The following SNTG1 variants were observed in gnomAD, a reference collection of about 807,000 sequenced individuals.
SNTG1 encodes syntrophin gamma 1.
In SNTG1, 39 loss-of-function variants were observed where a neutral mutation model predicts 74.7. That is an observed-to-expected ratio of 0.52 (90% CI 0.40 to 0.68). The LOEUF (loss-of-function observed/expected upper bound fraction) is 0.68, where lower values mean the gene tolerates loss of function less well. SNTG1 is among the 30% of genes least tolerant of loss of function. The probability of loss-of-function intolerance (pLI) is 0.00; values close to 1 mark genes in which losing one functional copy is unlikely to be tolerated. For synonymous variants in SNTG1, 254 were observed against 217.1 expected (o/e 1.17, Z -1.49); for missense variants, 685 against 609.5 (o/e 1.12, Z -1.30).
intron 1 of SNTG1, among the ~76,000 whole-genome samples, chr8:50,117,695 G>A (rs1037178787): frequency 6.6e-5 from 10 of 152,226 alleles, no homozygotes; most frequent in African/African-American, 1.9e-4. Flanking sequence ...GAGTAGCGAA[G>A]TCTCTCTCCT....
At chr8:50,298,544 G>T (rs6990514) in intron 2 of SNTG1, among the ~76,000 whole-genome samples, 3 of 152,146 alleles carry the variant, frequency 2.0e-5, no homozygotes, top group Non-Finnish European at 4.4e-5. Flanking sequence ...TGAAGGCAAG[G>T]GGCTGATGCA....
intron 1 of SNTG1, among the ~76,000 whole-genome samples, chr8:50,076,317 C>A (rs1253259845): frequency 2.0e-5 from 3 of 152,040 alleles, no homozygotes; most frequent in African/African-American, 7.2e-5. Flanking sequence ...AACCTGAATT[C>A]TTTTGTGAGT....
At chr8:50,509,484 T>G (rs2094044481) in intron 9 of SNTG1, among the ~76,000 whole-genome samples, 2 of 152,210 alleles carry the variant, frequency 1.3e-5, no homozygotes, top group African/African-American at 2.4e-5. Flanking sequence ...GGGATGGCAT[T>G]GAATCTATAA....
At chr8:50,739,275 A>G (rs1158196200) in intron 17 of SNTG1, among the ~76,000 whole-genome samples, 1 of 152,196 alleles carries the variant, frequency 6.6e-6, no homozygotes, top group Non-Finnish European at 1.5e-5. Flanking sequence ...ACACTCTCAA[A>G]AAAAGACATT....
At chr8:49,912,625 A>G (rs1301116680) in intron 1 of SNTG1, among the ~76,000 whole-genome samples, 1 of 152,202 alleles carries the variant, frequency 6.6e-6, no homozygotes, top group Admixed American at 6.5e-5. Flanking sequence ...AGAGGGTTTA[A>G]CCATGCCCTC....
chr8:50,023,006 A>G (rs903853787), intron 1 of SNTG1, among the ~76,000 whole-genome samples: 7 of 152,222 alleles, frequency 4.6e-5, no homozygotes, highest in Admixed American at 4.6e-4. Flanking sequence ...CAACTAAGTT[A>G]GTTAATGTTT....
chr8:50,022,372 A>G (rs1816903512), intron 1 of SNTG1, among the ~76,000 whole-genome samples: 2 of 150,934 alleles, frequency 1.3e-5, no homozygotes, highest in Admixed American at 6.6e-5. Context: ...AAGGCTTGAG[A>G]AGGCAGCTAG....
intron 12 of SNTG1, among the ~76,000 whole-genome samples, chr8:50,589,524 G>C (rs1042147669): frequency 2.0e-5 from 3 of 151,432 alleles, no homozygotes; most frequent in Admixed American, 6.6e-5. Flanking sequence ...TTTCTATCAT[G>C]AAGTGTTTAC....
At chr8:50,286,823 G>A (rs910337918) in intron 2 of SNTG1, 1 of 152,096 alleles carries the variant, frequency 6.6e-6, no homozygotes, top group African/African-American at 2.4e-5. Flanking sequence ...AATACAGAAG[G>A]CACCAGAATA....
chr8:50,530,146 C>G, intron 9 of SNTG1, 31 bp from the exon 10 acceptor site: 1 of 1,584,358 alleles, frequency 6.3e-7, no homozygotes, highest in Non-Finnish European at 8.7e-7. Flanking sequence ...GCATTCTCAC[C>G]AGTGGAATGT....
chr8:50,696,479 C>T (rs1194084010), intron 15 of SNTG1, among the ~76,000 whole-genome samples: 1 of 151,590 alleles, frequency 6.6e-6, no homozygotes, highest in Non-Finnish European at 1.5e-5. Flanking sequence ...TAATTAAGTC[C>T]TATGTTTGCT....
chr8:50,300,143 T>A (rs1379127780), intron 2 of SNTG1, among the ~76,000 whole-genome samples: 2 of 152,144 alleles, frequency 1.3e-5, no homozygotes, highest in Non-Finnish European at 2.9e-5. Flanking sequence ...TTTGCTCAGT[T>A]AGTAGCTAAC....
At chr8:50,571,079 CCCTTTTGT>C (rs1331477445) in intron 12 of SNTG1, among the ~76,000 whole-genome samples, 1 of 152,176 alleles carries the variant, frequency 6.6e-6, no homozygotes, top group African/African-American at 2.4e-5. Flanking sequence ...GCCTCCACCA[CCCTTTTGT>C]CCAATGAGCC....
chr8:50,207,346 A>G (rs1367093474), intron 2 of SNTG1, among the ~76,000 whole-genome samples: 1 of 152,008 alleles, frequency 6.6e-6, no homozygotes, highest in Non-Finnish European at 1.5e-5. Flanking sequence ...TTTGTAGTTT[A>G]TTTGCATAGA....
chr8:50,400,411 G>A (rs879681777), intron 3 of SNTG1, among the ~76,000 whole-genome samples: 1 of 152,108 alleles, frequency 6.6e-6, no homozygotes, highest in Admixed American at 6.5e-5. Context: ...CCATTCATGT[G>A]TTGATGGGCA....
chr8:49,966,087 T>A (rs1486247), intron 1 of SNTG1, among the ~76,000 whole-genome samples: 1 of 152,300 alleles, frequency 6.6e-6, no homozygotes, highest in East Asian at 1.9e-4. Context: ...TTTCTATTTC[T>A]GATTCAATTT....
At chr8:50,334,145 C>G (rs2091060881) in intron 2 of SNTG1, among the ~76,000 whole-genome samples, 13 of 152,146 alleles carry the variant, frequency 8.5e-5, no homozygotes, top group Admixed American at 8.5e-4. Flanking sequence ...ATTCTGCCCT[C>G]CTCGGCCTCC....
rs1444120354 is a variant in SNTG1 at position 50,764,457 on chromosome 8, A to G, written c.1395+12346A>G. Among the ~76,000 whole-genome samples the G allele has an allele frequency of 3.9e-5, 6 of 151,962 alleles. No individual in the cohort carries two copies. The East Asian group carries it at 7.8e-4, about 20-fold the overall frequency. ...ATAACCCATTAAAATTGGGCAAAGG[A>G]CTCATTTTGAGACATTTCTCAAAAG... On this transcript the variant is annotated intron_variant, in intron 18 of 18. Coordinates refer to ENST00000642720, the MANE Select transcript of SNTG1 (RefSeq NM_018967.5).
At chr8:50,712,782 G>C (rs2095465318) in intron 17 of SNTG1, among the ~76,000 whole-genome samples, 1 of 151,918 alleles carries the variant, frequency 6.6e-6, no homozygotes, top group Non-Finnish European at 1.5e-5. Context: ...GTCTTAGTTT[G>C]CTGGGAATGA....
Sources: allele counts gnomAD v4.1 joint callset (sites outside exome capture counted in the v4.1 genomes callset), GRCh38; gene constraint gnomAD v4.1.1; transcripts MANE v1.5; gene names NCBI Gene and HGNC (gene_info 2026-07-23, HGNC 2026-07-21).